Variants in DLGAP1 observed in about 807,000 individuals in gnomAD.
DLGAP1 encodes the protein DLG associated protein 1.
A neutral mutation model predicts 90.8 loss-of-function variants in DLGAP1; 11 were observed. The ratio of observed to expected loss-of-function variants is 0.12; its 90% confidence interval spans 0.08 to 0.20. DLGAP1 has a LOEUF of 0.20. Among genes scored for constraint, DLGAP1 ranks in the 10% least tolerant of loss-of-function variants. The pLI is 1.00. For missense variants in DLGAP1, 1,050 were observed against 1,333.8 expected (o/e 0.79, Z 3.31); for synonymous variants, 558 against 540.7 (o/e 1.03, Z -0.44).
intron 1 of DLGAP1, among the ~76,000 whole-genome samples, chr18:4,408,140 A>T (rs2082703165): frequency 6.6e-6 from 1 of 152,114 alleles, no homozygotes; most frequent in African/African-American, 2.4e-5. Flanking sequence ...CTTTACAGAG[A>T]GGAGAAAGGG....
chr18:4,347,687 A>G lies in DLGAP1; in HGVS notation c.-267+107319T>C, dbSNP rs185262626. Among the ~76,000 whole-genome samples the G allele has an allele frequency of 2.7e-3, 409 of 152,158 alleles. 8 individuals carry two copies. The highest frequency in any genetic ancestry group is 0.024 in the Admixed American group (368 of 15,278). ...ACATATTAAAAATATATATTTGTCA[A>G]TGCTAAAATTGGTATTTTAATTGGA... On this transcript the variant is annotated intron_variant, in intron 1 of 12. Transcript: ENST00000315677.
rs374477673 is a variant in DLGAP1, at chr18:4,169,138, A to G, written c.-266-17851T>C. 9.2e-5 allele frequency among the ~76,000 whole-genome samples: 14 copies of G among 152,304 alleles called. No homozygotes were observed. In the East Asian group the frequency reaches 1.4e-3, roughly 15 times the overall value. ...TTGAGGAAAAACCATATTGTTTTCC[A>G]ATGAGGCTACACTATTTAAATTACC... On this transcript the variant is annotated intron_variant, in intron 1 of 12. Coordinates refer to ENST00000315677, the MANE Select transcript of DLGAP1 (RefSeq NM_004746.4).
chr18:3,680,788 C>CAAAAA (rs71160910), intron 7 of DLGAP1, among the ~76,000 whole-genome samples: 10 of 94,690 alleles, frequency 1.1e-4, no homozygotes, highest in African/African-American at 3.0e-4. Flanking sequence ...GACTCCGTCT[C>CAAAAA]AAAAAAAAAA....
chr18:3,565,850 A>G lies in DLGAP1; in HGVS notation c.2057+1640T>C, dbSNP rs2054398110. ...ACTCTGTCTCAAAAAAACCACACAC[A>G]AAAAACAAACAAACAAAAAAAAATG... On this transcript the variant is annotated intron_variant, in intron 9 of 12. Transcript: ENST00000315677. This position sits in a 1 kb window ranked among gnomAD's most constrained non-coding sequence, Gnocchi z 4.0. Among the ~76,000 whole-genome samples, 1 of 144,934 alleles carries G rather than the reference A, an allele frequency of 6.9e-6. No individual in the cohort carries two copies. Among genetic ancestry groups the G allele is most frequent in the Admixed American group, 6.8e-5 (1 of 14,636 alleles).
At chr18:3,988,917 G>A (rs1056249457) in intron 3 of DLGAP1, among the ~76,000 whole-genome samples, 2 of 152,220 alleles carry the variant, frequency 1.3e-5, no homozygotes, top group East Asian at 3.8e-4. Flanking sequence ...GCTCCTGACT[G>A]CCGTGGCTTA....
intron 1 of DLGAP1, among the ~76,000 whole-genome samples, chr18:4,191,901 A>G (rs1362171678): frequency 1.3e-5 from 2 of 152,174 alleles, no homozygotes; most frequent in African/African-American, 4.8e-5. Flanking sequence ...CACACAATGT[A>G]TATCTGTCCT....
chr18:4,280,337 A>G lies in DLGAP1; in HGVS notation c.-266-129050T>C, dbSNP rs543998146. Among the ~76,000 whole-genome samples the G allele has an allele frequency of 2.5e-4, 38 of 152,346 alleles. 2 individuals are homozygous for G. In the South Asian group the frequency reaches 6.8e-3, roughly 27 times the overall value. On this transcript the variant is annotated intron_variant, in intron 1 of 12. Coordinates refer to ENST00000315677, the MANE Select transcript of DLGAP1 (RefSeq NM_004746.4). ...AGGAACTGTTCTTAGTGTCTGGGAT[A>G]CATGGATGAACATAACAAATAAAAT...
At chr18:4,427,889 T>C (rs2083191395) in intron 1 of DLGAP1, among the ~76,000 whole-genome samples, 1 of 152,222 alleles carries the variant, frequency 6.6e-6, no homozygotes, top group Non-Finnish European at 1.5e-5. Flanking sequence ...CCTCATTGTG[T>C]CAATGCTCAC....
At chr18:3,752,952 T>C (rs2147827733) in intron 5 of DLGAP1, among the ~76,000 whole-genome samples, 1 of 152,322 alleles carries the variant, frequency 6.6e-6, no homozygotes, top group East Asian at 1.9e-4. Flanking sequence ...GGCTTGTTTT[T>C]ATTTTTTTGG....
rs773812140 is a variant in DLGAP1 at position 3,581,896 on chromosome 18, T to A, written c.1944A>T (p.Arg648=). The A allele has an allele frequency of 3.7e-6, 6 of 1,614,144 alleles. No homozygotes were observed. Among genetic ancestry groups the A allele is most frequent in the Non-Finnish European group, 5.1e-6 (6 of 1,179,996 alleles). Residue 648 remains arginine, a synonymous_variant, in exon 8 of 13, where the codon CGA becomes CGT. Transcript: ENST00000315677. ...TTACCTGTATCCCGATAGACAGGCA[T>A]CGATTTTTCTTAAAGTGGTCCTTCT... ...DRKKDHFKKN[R]CLSIGIQVDD...
intron 10 of DLGAP1, among the ~76,000 whole-genome samples, chr18:3,523,085 TA>T (rs2051316908): frequency 6.6e-6 from 1 of 151,674 alleles, no homozygotes. Flanking sequence ...CTCAGCAAAA[TA>T]AAAAGGCCAG....
intron 3 of DLGAP1, among the ~76,000 whole-genome samples, chr18:3,921,366 TCAC>T (rs1475717688): frequency 6.6e-6 from 1 of 152,174 alleles, no homozygotes; most frequent in Non-Finnish European, 1.5e-5. Flanking sequence ...GATGGTAAAA[TCAC>T]CACCAGAGAA....
At chr18:3,593,022 G>A (rs573128546) in intron 7 of DLGAP1, among the ~76,000 whole-genome samples, 148 of 152,122 alleles carry the variant, frequency 9.7e-4, no homozygotes, top group African/African-American at 3.3e-3. Context: ...AGCAGGCAAC[G>A]GACATCCCTA....
chr18:4,312,575 C>T (rs2080427332), intron 1 of DLGAP1, among the ~76,000 whole-genome samples: 1 of 152,188 alleles, frequency 6.6e-6, no homozygotes, highest in South Asian at 2.1e-4. Flanking sequence ...CAGTGGTTTA[C>T]TGGGATGTGA....
rs183894270 is a variant in DLGAP1 at position 3,875,032 on chromosome 18, A to G, written c.957+4080T>C. ...AGCGAATTCTAAGTGATAATTCCGC[A>G]AAGAGAGAAGCAGAGCTTTGCTAGT... On this transcript the variant is annotated intron_variant, in intron 4 of 12. Transcript: ENST00000315677. Among the ~76,000 whole-genome samples the G allele has an allele frequency of 1.1e-3, 172 of 152,322 alleles. 1 individual carries two copies. The highest frequency in any genetic ancestry group is 1.8e-3 in the Admixed American group (28 of 15,296).
At chr18:4,002,479 C>G (rs1311569242) in intron 3 of DLGAP1, among the ~76,000 whole-genome samples, 5 of 50,836 alleles carry the variant, frequency 9.8e-5, no homozygotes, top group Admixed American at 5.3e-4. Context: ...GGATAAAGAC[C>G]TTTATGATGA....
chr18:3,751,425 T>C (rs1235165881), intron 5 of DLGAP1, among the ~76,000 whole-genome samples: 1 of 152,034 alleles, frequency 6.6e-6, no homozygotes, highest in East Asian at 1.9e-4. Flanking sequence ...GTCTCCTGAG[T>C]AGCTGGGACC....
rs113502379 is a variant in DLGAP1, at chr18:3,625,444, C to T, written c.1592-43196G>A. Among the ~76,000 whole-genome samples, 264 of 152,276 alleles carry T rather than the reference C, an allele frequency of 1.7e-3. 3 individuals are homozygous for T. The highest frequency in any genetic ancestry group is 5.2e-3 in the African/African-American group (217 of 41,552). On this transcript the variant is annotated intron_variant, in intron 7 of 12. Transcript: ENST00000315677. ...AGTTCTTCAAGGAGGCACCACTTCA[C>T]GCAATGCCCCAAACAGAAAAATCGA...
At chr18:3,861,918 C>T (rs996566502) in intron 4 of DLGAP1, among the ~76,000 whole-genome samples, 4 of 152,152 alleles carry the variant, frequency 2.6e-5, no homozygotes, top group South Asian at 2.1e-4. Context: ...TCAAAGATGG[C>T]GAAAGAGTGC....
Sources: allele counts gnomAD v4.1 joint callset (sites outside exome capture counted in the v4.1 genomes callset), GRCh38; gene constraint gnomAD v4.1.1; non-coding constraint Gnocchi (gnomAD v3.1); transcripts MANE v1.5; gene names NCBI Gene and HGNC (gene_info 2026-07-23, HGNC 2026-07-21).